RAB38: variants seen among roughly 807,000 people sequenced by gnomAD.
RAB38 encodes the protein ras-related protein Rab-38.
Under a neutral mutation model 18.4 loss-of-function variants are expected in RAB38, and 15 were observed. The observed-to-expected ratio is 0.82, with a 90% CI of 0.55 to 1.26. The LOEUF is 1.26. Among genes scored for constraint, RAB38 ranks in the 50% most tolerant of loss-of-function variants. RAB38 has a pLI of 0.00. For missense variants in RAB38, 294 were observed against 267.4 expected (o/e 1.10, Z -0.69); for synonymous variants, 101 against 104.4 (o/e 0.97, Z 0.20).
the RAB38 span, among the ~76,000 whole-genome samples, chr11:88,040,502 T>C: frequency 6.6e-6 from 1 of 152,136 alleles, no homozygotes; most frequent in African/African-American, 2.4e-5. Context: ...GCCCAGGAAT[T>C]TGAGATCAGC....
chr11:87,947,865 T>G, the RAB38 span, among the ~76,000 whole-genome samples: 2,424 of 152,324 alleles, frequency 0.016, 39 homozygotes, highest in South Asian at 0.061. Flanking sequence ...TAGGATTGAC[T>G]TGGCAATGCA....
the RAB38 span, among the ~76,000 whole-genome samples, chr11:87,923,888 A>G: frequency 1.3e-5 from 2 of 151,760 alleles, no homozygotes; most frequent in Non-Finnish European, 2.9e-5. Flanking sequence ...TTTCAAAAAT[A>G]CTAGTTGATG....
chr11:88,143,512 A>C (rs1420626265), intron 2 of RAB38, among the ~76,000 whole-genome samples: 2 of 152,028 alleles, frequency 1.3e-5, no homozygotes, highest in Non-Finnish European at 2.9e-5. Flanking sequence ...TATTTGGCCC[A>C]CAGATCATAG....
the RAB38 span, among the ~76,000 whole-genome samples, chr11:88,003,861 A>T: frequency 0.05 from 453 of 8,986 alleles, 120 homozygotes; most frequent in Non-Finnish European, 0.096. Flanking sequence ...TAATTATATA[A>T]ATATAATTAT....
chr11:88,055,645 T>C, the RAB38 span, among the ~76,000 whole-genome samples: 1 of 152,128 alleles, frequency 6.6e-6, no homozygotes, highest in Non-Finnish European at 1.5e-5. Flanking sequence ...CTTGAATACA[T>C]GGACTATTTA....
intron 2 of RAB38, 62 bp from the exon 3 acceptor site, chr11:88,114,202 A>G (rs755138787): frequency 4.5e-5 from 70 of 1,553,060 alleles, no homozygotes; most frequent in Non-Finnish European, 5.0e-5. Context: ...GCTAGAGCAG[A>G]GACTTATATG....
At chr11:88,014,701 A>C in the RAB38 span, among the ~76,000 whole-genome samples, 1 of 152,110 alleles carries the variant, frequency 6.6e-6, no homozygotes, top group African/African-American at 2.4e-5. Context: ...TCCTTCCTCA[A>C]TCCTTTTTAC....
the RAB38 span, among the ~76,000 whole-genome samples, chr11:87,832,165 C>A: frequency 6.6e-6 from 1 of 152,158 alleles, no homozygotes; most frequent in Non-Finnish European, 1.5e-5. Context: ...CAGCATTGGA[C>A]TAAGTCTAGG....
chr11:87,909,930 G>T, the RAB38 span, among the ~76,000 whole-genome samples: 1 of 151,956 alleles, frequency 6.6e-6, no homozygotes. Context: ...AACACGGAGT[G>T]GAATAGCTAA....
the RAB38 span, among the ~76,000 whole-genome samples, chr11:88,044,919 C>G: frequency 6.6e-6 from 1 of 152,134 alleles, no homozygotes; most frequent in African/African-American, 2.4e-5. Context: ...TCCTCACACC[C>G]GGTCTGGCTT....
chr11:87,898,396 A>C, the RAB38 span, among the ~76,000 whole-genome samples: 4 of 151,668 alleles, frequency 2.6e-5, no homozygotes, highest in Non-Finnish European at 1.5e-5. Flanking sequence ...ACTTTCCATG[A>C]ATCTTCTCAA....
chr11:87,896,770 G>T, the RAB38 span, among the ~76,000 whole-genome samples: 1 of 151,496 alleles, frequency 6.6e-6, no homozygotes, highest in Admixed American at 6.6e-5. Context: ...TGTAATCCTG[G>T]CTGGTCTTAC....
chr11:88,156,874 C>T (rs955514246), intron 1 of RAB38, among the ~76,000 whole-genome samples: 1 of 152,122 alleles, frequency 6.6e-6, no homozygotes, highest in African/African-American at 2.4e-5. Flanking sequence ...TACTGGCTGC[C>T]ACAAAAATAC....
intron 1 of RAB38, among the ~76,000 whole-genome samples, chr11:88,174,592 A>C (rs1943353632): frequency 6.6e-6 from 1 of 150,520 alleles, no homozygotes; most frequent in African/African-American, 2.5e-5. Context: ...ATACACACAA[A>C]AGTACTTGGC....
the RAB38 span, among the ~76,000 whole-genome samples, chr11:88,029,127 C>T: frequency 6.6e-6 from 1 of 151,838 alleles, no homozygotes. Context: ...TCCAGCCAAA[C>T]TAAGCTTCAT....
the RAB38 span, among the ~76,000 whole-genome samples, chr11:87,977,538 CATT>C: frequency 1.6e-4 from 18 of 110,366 alleles, no homozygotes; most frequent in Non-Finnish European, 2.2e-4. Flanking sequence ...ATAATTATAT[CATT>C]ATTATATAAT....
chr11:87,916,816 CT>C, the RAB38 span, among the ~76,000 whole-genome samples: 549 of 152,206 alleles, frequency 3.6e-3, 4 homozygotes, highest in South Asian at 0.028. Context: ...TGACTTCTAA[CT>C]TTTTTGAACT....
the RAB38 span, among the ~76,000 whole-genome samples, chr11:87,892,260 G>T: frequency 2.0e-5 from 3 of 151,750 alleles, no homozygotes; most frequent in African/African-American, 4.8e-5. Flanking sequence ...CATCTTGAAC[G>T]TTACTTTTCT....
the RAB38 span, among the ~76,000 whole-genome samples, chr11:87,868,870 C>T: frequency 6.6e-6 from 1 of 151,596 alleles, no homozygotes; most frequent in Non-Finnish European, 1.5e-5. Flanking sequence ...AGGCCTGTTT[C>T]ATTCCTACCT....
Sources: gnomAD v4.1 joint callset for allele counts (sites outside exome capture counted in the v4.1 genomes callset) on GRCh38, gnomAD v4.1.1 for gene constraint, MANE v1.5 for transcripts, NCBI Gene and HGNC (gene_info 2026-07-23, HGNC 2026-07-21) for gene names.